The following ERP44 variants were observed in gnomAD, a reference collection of about 807,000 sequenced individuals.
ERP44 encodes the protein endoplasmic reticulum resident protein 44.
In ERP44, 25 loss-of-function variants were observed where a neutral mutation model predicts 53.4. That is an observed-to-expected ratio of 0.47 (90% CI 0.34 to 0.65). The LOEUF is 0.65. Ranked by LOEUF, ERP44 falls within the 30% of genes least tolerant of loss-of-function variation. The pLI is 0.01. For missense variants in ERP44, 338 were observed against 493.2 expected, an observed-to-expected ratio of 0.69 and a Z score of 2.98; for synonymous variants, 145 against 161.2, an observed-to-expected ratio of 0.90 and a Z score of 0.76.
intron 8 of ERP44, among the ~76,000 whole-genome samples, chr9:100,009,518 G>A (rs1049483567): frequency 6.6e-5 from 10 of 152,026 alleles, no homozygotes; most frequent in African/African-American, 2.4e-4. Flanking sequence ...TTAGTAAGCT[G>A]ATTTTTTTCT....
At chr9:100,030,509 T>C (rs1166109159) in intron 4 of ERP44, among the ~76,000 whole-genome samples, 1 of 152,194 alleles carries the variant, frequency 6.6e-6, no homozygotes, top group African/African-American at 2.4e-5. Flanking sequence ...CTGGTGGAAC[T>C]TGGGTTCAAG....
Position 99,982,631 on chromosome 9 carries a change from C to T in ERP44, c.1202G>A (p.Arg401Lys). The change falls in exon 12 of 12, where the codon AGG becomes AAG. Residue 401 changes from arginine (R) to lysine (K), a missense_variant. Around this residue, in one of 3 missense-constraint regions of ERP44, gnomAD observed 113 missense variants for 172.6 expected, o/e 0.65. Transcript: ENST00000262455. The stretch of plus-strand genomic sequence containing the variant: ...AAGTTTTTAAAGCTCATCTCGATCC[C>T]TCAATAGAGTATACCTATATTCACT... Reference protein sequence around the residue: ...APSEYRYTLLRDRDEL With the variant: ...APSEYRYTLLKDRDEL The T allele has an allele frequency of 6.3e-7, 1 of 1,595,150 alleles. No individual in the cohort carries two copies. The highest frequency in any genetic ancestry group is 2.3e-5 in the East Asian group (1 of 44,316).
chr9:100,063,938 GT>G (rs1421903033), intron 1 of ERP44, among the ~76,000 whole-genome samples: 2 of 152,104 alleles, frequency 1.3e-5, no homozygotes, highest in Non-Finnish European at 2.9e-5. Flanking sequence ...AGGCATACCA[GT>G]AAAATGGCAA....
intron 10 of ERP44, 45 bp downstream of exon 10, chr9:100,006,461 T>C: frequency 7.1e-7 from 1 of 1,410,364 alleles, no homozygotes; most frequent in South Asian, 1.2e-5. Context: ...AGTTCATTTT[T>C]GAAAAACATA....
chr9:100,027,219 A>T (rs1159658118), intron 4 of ERP44, among the ~76,000 whole-genome samples: 2 of 152,228 alleles, frequency 1.3e-5, no homozygotes, highest in East Asian at 3.8e-4. Flanking sequence ...AAATCACAAG[A>T]GTCTATTAAC....
At chr9:100,023,640 T>A (rs917433427) in intron 4 of ERP44, among the ~76,000 whole-genome samples, 1 of 151,706 alleles carries the variant, frequency 6.6e-6, no homozygotes, top group African/African-American at 2.4e-5. Flanking sequence ...AGAGATGAGG[T>A]CTCACTATGT....
chr9:100,060,058 T>G, intron 2 of ERP44, 42 bp downstream of exon 2: 5 of 1,360,402 alleles, frequency 3.7e-6, no homozygotes, highest in Non-Finnish European at 4.8e-6. Context: ...TAACTCTCTA[T>G]AGAGAAGAAA....
At chr9:100,088,099 G>A (rs1826506915) in intron 1 of ERP44, among the ~76,000 whole-genome samples, 1 of 152,166 alleles carries the variant, frequency 6.6e-6, no homozygotes, top group Non-Finnish European at 1.5e-5. Flanking sequence ...GGGCAAGGCT[G>A]AAGAGATCAA....
intron 3 of ERP44, among the ~76,000 whole-genome samples, chr9:100,054,897 G>A (rs1179615928): frequency 6.6e-6 from 1 of 152,114 alleles, no homozygotes; most frequent in Non-Finnish European, 1.5e-5. Context: ...TCTATTAAAA[G>A]GGCCTAAGGG....
At position 99,982,022 on chromosome 9, in the gene ERP44, G is replaced by C. The variant is rs1830153471; in HGVS notation, c.*590C>G. On this transcript the variant is annotated 3_prime_UTR_variant, in exon 12 of 12. Transcript: ENST00000262455. ...AAGGACAATTCCTGCCAAATGTTCT[G>C]TCTTATGACTCTCCTCCACTTCAAA... 1 of 152,430 alleles carries C rather than the reference G, an allele frequency of 6.6e-6. No homozygotes were observed. The highest frequency in any genetic ancestry group is 1.5e-5 in the Non-Finnish European group (1 of 68,006). 9.4% of individuals were successfully genotyped at this position (152,430 alleles called of 1,614,324 possible).
chr9:100,082,247 A>C (rs1231398708), intron 1 of ERP44, among the ~76,000 whole-genome samples: 2 of 151,360 alleles, frequency 1.3e-5, no homozygotes, highest in Admixed American at 1.3e-4. Flanking sequence ...GTAATGAATA[A>C]AATACCAAAA....
chr9:100,086,823 G>A (rs543963773), intron 1 of ERP44, among the ~76,000 whole-genome samples: 16 of 152,060 alleles, frequency 1.1e-4, no homozygotes, highest in Admixed American at 7.9e-4. Context: ...TCCCTGAAAG[G>A]GAAATACATT....
chr9:100,069,472 GCTGT>G (rs1826276106), intron 1 of ERP44, among the ~76,000 whole-genome samples: 1 of 152,028 alleles, frequency 6.6e-6, no homozygotes, highest in African/African-American at 2.4e-5. Context: ...ATTTACTAAG[GCTGT>G]CTCTCCCTAC....
At chr9:100,007,506 G>A (rs1830433925) in intron 9 of ERP44, 72 bp downstream of exon 9, 1 of 785,636 alleles carries the variant, frequency 1.3e-6, no homozygotes, top group East Asian at 2.5e-5. Context: ...AGAAATGGGA[G>A]AGGAGATGAT....
chr9:100,012,855 G>A (rs1391016019), intron 8 of ERP44, among the ~76,000 whole-genome samples: 1 of 152,100 alleles, frequency 6.6e-6, no homozygotes, highest in Non-Finnish European at 1.5e-5. Context: ...AAGGCCCTGA[G>A]AAGCAAATAA....
intron 4 of ERP44, among the ~76,000 whole-genome samples, chr9:100,048,658 T>C (rs915268956): frequency 2.0e-5 from 3 of 152,190 alleles, no homozygotes; most frequent in Non-Finnish European, 4.4e-5. Context: ...TCGTGGTATA[T>C]ACATACCACG....
At position 100,068,850 on chromosome 9, in the gene ERP44, G is replaced by C. The variant is rs566554263; in HGVS notation, c.58-8678C>G. 3.3e-3 allele frequency among the ~76,000 whole-genome samples: 498 copies of C among 152,334 alleles called. 2 individuals are homozygous for C. Among genetic ancestry groups the C allele is most frequent in the African/African-American group, 0.011 (469 of 41,576 alleles). On this transcript the variant is annotated intron_variant, in intron 1 of 11. Coordinates refer to ENST00000262455, the MANE Select transcript of ERP44 (RefSeq NM_015051.3). ...AATGGCGTTTTTGTGGAATGGAAAGGGGGGAAAGGTGGGGAAAAGATTGAG... is the reference window on the plus strand; with the variant it reads ...AATGGCGTTTTTGTGGAATGGAAAGCGGGGAAAGGTGGGGAAAAGATTGAG...
intron 1 of ERP44, among the ~76,000 whole-genome samples, chr9:100,067,327 A>G (rs1392649288): frequency 6.6e-6 from 1 of 152,130 alleles, no homozygotes. Context: ...AGTGCCTGCG[A>G]CTGCAGGCGC....
chr9:100,068,767 C>A (rs1206543985), intron 1 of ERP44, among the ~76,000 whole-genome samples: 81 of 152,152 alleles, frequency 5.3e-4, no homozygotes, highest in Admixed American at 2.2e-3. Flanking sequence ...CTCTGCCCGG[C>A]CAGCCGCCCC....
Sources: allele counts gnomAD v4.1 joint callset (sites outside exome capture counted in the v4.1 genomes callset), GRCh38; gene constraint gnomAD v4.1.1; regional missense constraint gnomAD v4.1.1; transcripts MANE v1.5; gene names NCBI Gene and HGNC (gene_info 2026-07-23, HGNC 2026-07-21).